Variants in RNF141 observed in about 807,000 individuals in gnomAD.
RNF141 encodes C3HC4-like zinc finger protein.
RNF141 carries 18 observed loss-of-function variants against 27.4 expected under a neutral mutation model. That is an observed-to-expected ratio of 0.66 (90% CI 0.45 to 0.97). The LOEUF is 0.97. RNF141 is among the 50% of genes least tolerant of loss of function. RNF141 has a pLI of 0.00. For synonymous variants in RNF141, 97 were observed against 96.6 expected, an observed-to-expected ratio of 1.00 and a Z score of -0.02; for missense variants, 230 against 279.4, an observed-to-expected ratio of 0.82 and a Z score of 1.26.
intron 5 of RNF141, chr11:10,518,356 A>G (rs1019849745): frequency 2.0e-5 from 3 of 152,182 alleles, no homozygotes; most frequent in Non-Finnish European, 2.9e-5. Context: ...ATTTCCCTCA[A>G]TAGGTGAATA....
intron 3 of RNF141, among the ~76,000 whole-genome samples, chr11:10,527,653 G>A (rs891848829): frequency 3.3e-5 from 5 of 151,996 alleles, no homozygotes; most frequent in Non-Finnish European, 5.9e-5. Flanking sequence ...CACGGGGGGG[G>A]GTTTTGAGCC....
intron 3 of RNF141, among the ~76,000 whole-genome samples, 164 bp from the exon 4 acceptor site, chr11:10,525,537 T>C (rs1458672482): frequency 6.6e-6 from 1 of 152,156 alleles, no homozygotes; most frequent in Non-Finnish European, 1.5e-5. Context: ...AGTAATACCA[T>C]GTCCCCTACA....
At chr11:10,538,231 C>T (rs745444712) in intron 1 of RNF141, among the ~76,000 whole-genome samples, 5 of 152,192 alleles carry the variant, frequency 3.3e-5, no homozygotes, top group Non-Finnish European at 7.3e-5. Context: ...TCACTAACTC[C>T]TTGCATTAAA....
At chr11:10,540,214 G>A (rs1046504772) in intron 1 of RNF141, among the ~76,000 whole-genome samples, 1 of 152,070 alleles carries the variant, frequency 6.6e-6, no homozygotes, top group African/African-American at 2.4e-5. Context: ...GAGTGAAAAC[G>A]AATAAATTCG....
At chr11:10,533,007 T>C (rs921469030) in intron 2 of RNF141, among the ~76,000 whole-genome samples, 19 of 152,188 alleles carry the variant, frequency 1.2e-4, no homozygotes, top group Non-Finnish European at 2.4e-4. Context: ...GCACATACTA[T>C]GTGCTTAGTG....
Position 10,514,707 on chromosome 11 carries a change from T to C in RNF141, c.*209A>G. 2 of 443,232 alleles carry C rather than the reference T, an allele frequency of 4.5e-6. No homozygotes were observed. Among genetic ancestry groups the C allele is most frequent in the Non-Finnish European group, 3.9e-6 (1 of 255,136 alleles). The allele number at this position is 443,232 out of a possible 1,614,324, so 27.5% of individuals were successfully genotyped here. A position where few individuals can be genotyped will look rare whatever the true frequency, so the allele number is the denominator to read the frequency against. On this transcript the variant is annotated 3_prime_UTR_variant, in exon 6 of 6. Transcript: ENST00000265981. The stretch of plus-strand genomic sequence containing the variant: ...TGAACAGATAAATAATAGGAAAATA[T>C]GGTCTAAAACAGTAGCAAATTTTAG...
chr11:10,530,007 G>A (rs1333945189), intron 3 of RNF141, among the ~76,000 whole-genome samples: 2 of 152,108 alleles, frequency 1.3e-5, no homozygotes, highest in African/African-American at 4.8e-5. Context: ...CCCAATTTAT[G>A]GTTTATATGC....
At chr11:10,528,732 G>C (rs904534359) in intron 3 of RNF141, among the ~76,000 whole-genome samples, 2 of 152,186 alleles carry the variant, frequency 1.3e-5, no homozygotes, top group South Asian at 2.1e-4. Context: ...TTTAAAAAGA[G>C]AGTATTATTT....
intron 3 of RNF141, 140 bp from the exon 4 acceptor site, chr11:10,525,513 A>G (rs1249337681): frequency 3.3e-6 from 2 of 614,362 alleles, no homozygotes; most frequent in Non-Finnish European, 5.6e-6. Context: ...AGAAAGCAAG[A>G]GTCTGAATAA....
chr11:10,535,257 C>G (rs1367280238), intron 1 of RNF141, among the ~76,000 whole-genome samples: 1 of 150,634 alleles, frequency 6.6e-6, no homozygotes, highest in Non-Finnish European at 1.5e-5. Flanking sequence ...GTTAGTAACC[C>G]CAAAATATGT....
intron 1 of RNF141, chr11:10,540,748 C>T (rs540953891): frequency 6.6e-6 from 1 of 152,370 alleles, no homozygotes; most frequent in Non-Finnish European, 1.5e-5. Context: ...CCTCCTCAAG[C>T]GCACCTGGAC....
Position 10,541,185 on chromosome 11 carries a change from C to G in RNF141, c.-111G>C, listed in dbSNP as rs1379134191. The G allele has an allele frequency of 6.6e-6, 1 of 152,362 alleles. No homozygotes were observed. Among genetic ancestry groups the G allele is most frequent in the Non-Finnish European group, 1.5e-5 (1 of 68,118 alleles). 9.4% of individuals were successfully genotyped at this position (152,362 alleles called of 1,614,324 possible). A position where few individuals can be genotyped will look rare whatever the true frequency, so the allele number is the denominator to read the frequency against. ...GCGCTGCCTCAGCCCACAGCTCAGA[C>G]CTGCGGGTGGCCGCGACTCAGGCCG... On this transcript the variant is annotated 5_prime_UTR_variant, in exon 1 of 6. Coordinates refer to ENST00000265981, the MANE Select transcript of RNF141 (RefSeq NM_016422.4).
At chr11:10,519,420 T>C (rs1432118127) in intron 4 of RNF141, among the ~76,000 whole-genome samples, 2 of 152,230 alleles carry the variant, frequency 1.3e-5, no homozygotes, top group Non-Finnish European at 2.9e-5. Context: ...TAGTCAAATC[T>C]TTCTGGAAAC....
chr11:10,534,697 T>A (rs1056821177), intron 1 of RNF141, among the ~76,000 whole-genome samples: 3 of 152,148 alleles, frequency 2.0e-5, no homozygotes, highest in African/African-American at 7.2e-5. Context: ...GAAACTGAGC[T>A]AGGTGATTTA....
At chr11:10,526,342 G>A (rs1434260130) in intron 3 of RNF141, among the ~76,000 whole-genome samples, 2 of 152,026 alleles carry the variant, frequency 1.3e-5, no homozygotes, top group Non-Finnish European at 2.9e-5. Flanking sequence ...ATGTATTGAT[G>A]GAACTAGGGG....
In RNF141 at chr11:10,513,711, G is replaced by T. The variant is rs573360493; in HGVS notation, c.*1205C>A. ...TGTTTTTTTTTTGATTAGGAGTCTCGTTCTGTCTCCCAGGCTGGAGTGCAG... is the reference window on the plus strand; with the variant it reads ...TGTTTTTTTTTTGATTAGGAGTCTCTTTCTGTCTCCCAGGCTGGAGTGCAG... On this transcript the variant is annotated 3_prime_UTR_variant, in exon 6 of 6. Coordinates refer to ENST00000265981, the MANE Select transcript of RNF141 (RefSeq NM_016422.4). The T allele has an allele frequency of 6.6e-6, 1 of 151,448 alleles. No homozygotes were observed. Among genetic ancestry groups the T allele is most frequent in the Admixed American group, 6.6e-5 (1 of 15,208 alleles). 9.4% of individuals were successfully genotyped at this position (151,448 alleles called of 1,614,324 possible).
In RNF141 at chr11:10,534,251, G is replaced by A. The variant is rs56171160; in HGVS notation, c.-47-46C>T. 4.1e-3 allele frequency: 5,497 copies of A among 1,332,000 alleles called. 142 individuals are homozygous for A. The African/African-American group carries it at 0.064, about 16-fold the overall frequency. 82.5% of individuals were successfully genotyped at this position (1,332,000 alleles called of 1,614,324 possible). A position where few individuals can be genotyped will look rare whatever the true frequency, so the allele number is the denominator to read the frequency against. ...TTACTTTTACATATTATACAAAAAC[G>A]GCAATATACTCATTCTTCAAAAACA... On this transcript the variant is annotated intron_variant, in intron 1 of 5. Coordinates refer to ENST00000265981, the MANE Select transcript of RNF141 (RefSeq NM_016422.4).
chr11:10,524,824 G>A (rs949601933), intron 4 of RNF141, among the ~76,000 whole-genome samples: 2 of 151,972 alleles, frequency 1.3e-5, no homozygotes, highest in African/African-American at 4.8e-5. Context: ...AAAAAAAGTG[G>A]GATGATTTTG....
At chr11:10,515,194 C>T in intron 5 of RNF141, 128 bp from the exon 6 acceptor site, 1 of 1,010,620 alleles carries the variant, frequency 9.9e-7, no homozygotes, top group South Asian at 1.8e-5. Context: ...AAAAATAAAT[C>T]CCTCCCTCCT....
Sources: allele counts gnomAD v4.1 joint callset (sites outside exome capture counted in the v4.1 genomes callset), GRCh38; gene constraint gnomAD v4.1.1; transcripts MANE v1.5; gene names NCBI Gene and HGNC (gene_info 2026-07-23, HGNC 2026-07-21).